Variants in ST8SIA5 observed in about 807,000 individuals in gnomAD.
The protein encoded by ST8SIA5 is alpha-2,8-sialyltransferase 8E.
ST8SIA5 carries 24 observed loss-of-function variants against 40.2 expected under a neutral mutation model. The ratio of observed to expected loss-of-function variants is 0.60; its 90% confidence interval spans 0.43 to 0.84. ST8SIA5 has a LOEUF of 0.84. ST8SIA5 is among the 40% of genes least tolerant of loss of function. The probability of loss-of-function intolerance (pLI) is 0.00; values close to 1 mark genes in which losing one functional copy is unlikely to be tolerated. For synonymous variants in ST8SIA5, 198 were observed against 201.8 expected (o/e 0.98, Z 0.16); for missense variants, 465 against 498.5 (o/e 0.93, Z 0.64).
chr18:46,728,006 C>T (rs1357632391), intron 1 of ST8SIA5, among the ~76,000 whole-genome samples: 1 of 151,968 alleles, frequency 6.6e-6, no homozygotes, highest in Non-Finnish European at 1.5e-5. Context: ...ACCATCCTGG[C>T]CAACATGGTG....
At chr18:46,703,863 G>A (rs1033102050) in intron 2 of ST8SIA5, among the ~76,000 whole-genome samples, 1 of 152,210 alleles carries the variant, frequency 6.6e-6, no homozygotes, top group African/African-American at 2.4e-5. Flanking sequence ...GGAAACCCAG[G>A]TGGGCACATG....
intron 1 of ST8SIA5, among the ~76,000 whole-genome samples, chr18:46,728,992 A>G (rs3893056): frequency 0.48 from 72,765 of 151,904 alleles, 18,237 homozygotes; most frequent in Middle Eastern, 0.58. Context: ...GTGGCCCTGC[A>G]GTTTCACTTG....
chr18:46,736,496 T>G (rs2040036057), intron 1 of ST8SIA5, among the ~76,000 whole-genome samples: 1 of 152,012 alleles, frequency 6.6e-6, no homozygotes, highest in African/African-American at 2.4e-5. Flanking sequence ...AAAATGAACT[T>G]GGATTAGAAG....
chr18:46,748,006 G>A (rs1282242635), intron 1 of ST8SIA5, among the ~76,000 whole-genome samples: 1 of 151,914 alleles, frequency 6.6e-6, no homozygotes, highest in African/African-American at 2.4e-5. Flanking sequence ...TCACTCATAG[G>A]TGGGAACTGA....
chr18:46,714,613 C>T (rs57464683), intron 1 of ST8SIA5, among the ~76,000 whole-genome samples: 45,598 of 151,962 alleles, frequency 0.3, 7,452 homozygotes, highest in Admixed American at 0.36. Flanking sequence ...AGTGCTATCC[C>T]CCCACGGAAG....
intron 1 of ST8SIA5, among the ~76,000 whole-genome samples, chr18:46,735,140 T>C (rs1484015335): frequency 6.6e-6 from 1 of 152,258 alleles, no homozygotes; most frequent in African/African-American, 2.4e-5. Flanking sequence ...ACTTTTGGAC[T>C]CTTGGACTTA....
chr18:46,715,180 T>C (rs972683782), intron 1 of ST8SIA5, among the ~76,000 whole-genome samples: 1 of 152,206 alleles, frequency 6.6e-6, no homozygotes, highest in African/African-American at 2.4e-5. Flanking sequence ...GCTCTGGCCC[T>C]TTTTCCCTCC....
intron 2 of ST8SIA5, among the ~76,000 whole-genome samples, chr18:46,698,097 C>A (rs1019386797): frequency 6.6e-6 from 1 of 151,698 alleles, no homozygotes; most frequent in African/African-American, 2.4e-5. Context: ...ACCCAACAAT[C>A]CACCACACCA....
At position 46,679,870 on chromosome 18, in the gene ST8SIA5, C is replaced by T. The variant is rs893365388; in HGVS notation, c.*172G>A. 4 of 695,284 alleles carry T rather than the reference C, an allele frequency of 5.8e-6. No individual in the cohort carries two copies. The highest frequency in any genetic ancestry group is 9.4e-6 in the Non-Finnish European group (4 of 424,786). The allele number at this position is 695,284 out of a possible 1,614,324, so 43.1% of individuals were successfully genotyped here. On this transcript the variant is annotated 3_prime_UTR_variant, in exon 7 of 7. Coordinates refer to ENST00000315087, the MANE Select transcript of ST8SIA5 (RefSeq NM_013305.6). Reference sequence around the variant, plus strand: ...GCTCAGCACAGAGCTGACTCTGCCCCGGTTCCTAACCCTGCCTCCCTACCC... The same window carrying T: ...GCTCAGCACAGAGCTGACTCTGCCCTGGTTCCTAACCCTGCCTCCCTACCC...
Position 46,756,743 on chromosome 18 carries a change from G to T in ST8SIA5, c.-235C>A. The T allele has an allele frequency of 2.1e-6, 1 of 474,834 alleles. No homozygotes were observed. Among genetic ancestry groups the T allele is most frequent in the Non-Finnish European group, 3.6e-6 (1 of 274,986 alleles). 29.4% of individuals were successfully genotyped at this position (474,834 alleles called of 1,614,324 possible). A position where few individuals can be genotyped will look rare whatever the true frequency, so the allele number is the denominator to read the frequency against. ...GCCGGTGGCAGGGAGCTCTGCCGCG[G>T]CCAGGGGCCTTCCCCACCCCCGGGT... On this transcript the variant is annotated 5_prime_UTR_variant, in exon 1 of 7. Coordinates refer to ENST00000315087, the MANE Select transcript of ST8SIA5 (RefSeq NM_013305.6).
At chr18:46,701,130 CTTTTTTTTTTTTTT>C (rs755571106) in intron 2 of ST8SIA5, among the ~76,000 whole-genome samples, 4 of 45,794 alleles carry the variant, frequency 8.7e-5, no homozygotes, top group African/African-American at 3.4e-4. Flanking sequence ...GAGATAGGGC[CTTTTTTTTTTTTTT>C]TTTTTTTTTT....
chr18:46,692,745 G>C (rs181229230), intron 2 of ST8SIA5, among the ~76,000 whole-genome samples: 7 of 152,058 alleles, frequency 4.6e-5, no homozygotes, highest in Non-Finnish European at 1.0e-4. Flanking sequence ...CTGGCACCTG[G>C]TGCCTTGCTA....
intron 1 of ST8SIA5, among the ~76,000 whole-genome samples, chr18:46,713,660 G>A (rs12957855): frequency 0.3 from 45,880 of 152,016 alleles, 7,516 homozygotes; most frequent in Admixed American, 0.37. Context: ...GGACATGGAA[G>A]CTAAGAGGAG....
At chr18:46,701,980 C>T (rs112022097) in intron 2 of ST8SIA5, among the ~76,000 whole-genome samples, 548 of 152,068 alleles carry the variant, frequency 3.6e-3, no homozygotes, top group Non-Finnish European at 6.1e-3. Context: ...ACCCCCGTAT[C>T]TACTAAAAAT....
rs2039376583 is a variant in ST8SIA5, at chr18:46,680,265, A to C, written c.908T>G (p.Leu303Arg). 1.2e-6 allele frequency: 2 copies of C among 1,614,204 alleles called. No individual in the cohort carries two copies. Among genetic ancestry groups the C allele is most frequent in the Non-Finnish European group, 1.7e-6 (2 of 1,180,034 alleles). Reference protein sequence around the residue: ...GVRAKRISTGLILVTAALELC... With the variant: ...GVRAKRISTGRILVTAALELC... ...CTCCAGCGCCGCAGTGACCAGAATG[A>C]GGCCGGTGCTGATGCGCTTGGCGCG... is the stretch of plus-strand genomic sequence containing the variant. Residue 303 changes from leucine to arginine, a missense_variant, in exon 7 of 7, where the codon CTC becomes CGC. Transcript: ENST00000315087.
At chr18:46,715,133 C>G (rs1203921671) in intron 1 of ST8SIA5, among the ~76,000 whole-genome samples, 1 of 152,230 alleles carries the variant, frequency 6.6e-6, no homozygotes, top group Non-Finnish European at 1.5e-5. Flanking sequence ...ACCAAACCTG[C>G]ATCTCCAAAT....
chr18:46,732,870 G>A (rs1321175959), intron 1 of ST8SIA5, among the ~76,000 whole-genome samples: 2 of 127,136 alleles, frequency 1.6e-5, no homozygotes, highest in Non-Finnish European at 3.3e-5. Flanking sequence ...GAGGTGGGGG[G>A]CCAGTGCCTC....
chr18:46,704,517 AC>A, intron 2 of ST8SIA5, 54 bp downstream of exon 2: 1 of 1,498,972 alleles, frequency 6.7e-7, no homozygotes, highest in South Asian at 1.1e-5. Context: ...CTCACCCCCA[AC>A]CCCTGCCCCA....
intron 4 of ST8SIA5, among the ~76,000 whole-genome samples, chr18:46,688,347 G>A (rs978558909): frequency 1.4e-4 from 21 of 152,154 alleles, no homozygotes; most frequent in African/African-American, 4.6e-4. Flanking sequence ...ATCTGCCCAC[G>A]GTCATCAAGT....
Sources: gnomAD v4.1 joint callset for allele counts (sites outside exome capture counted in the v4.1 genomes callset) on GRCh38, gnomAD v4.1.1 for gene constraint, MANE v1.5 for transcripts, NCBI Gene and HGNC (gene_info 2026-07-23, HGNC 2026-07-21) for gene names.